Variants in AHCTF1 observed in about 807,000 individuals in gnomAD.
The protein encoded by AHCTF1 is AT-hook containing transcription factor 1.
Under a neutral mutation model 248.4 loss-of-function variants are expected in AHCTF1, and 24 were observed. That is an observed-to-expected ratio of 0.10 (90% CI 0.07 to 0.14). The LOEUF (loss-of-function observed/expected upper bound fraction) is 0.14. AHCTF1 is among the 10% of genes least tolerant of loss of function. The pLI is 1.00. For synonymous variants in AHCTF1, 786 were observed against 929.8 expected, an observed-to-expected ratio of 0.85 and a Z score of 2.81; for missense variants, 2,206 against 2,636.2, an observed-to-expected ratio of 0.84 and a Z score of 3.57.
In AHCTF1 at chr1:246,877,148, A is replaced by G; in HGVS notation, c.2805+10T>C. 1 of 1,612,660 alleles carries G rather than the reference A, an allele frequency of 6.2e-7. No individual in the cohort carries two copies. The highest frequency in any genetic ancestry group is 8.5e-7 in the Non-Finnish European group (1 of 1,179,756). ...GAATTTCTGACAAGTTTACATCGGT[A>G]AGTAATTACCTGCTCAGTGTCTGTA... On this transcript the variant is annotated intron_variant, in intron 22 of 35. Coordinates refer to ENST00000648844, the MANE Select transcript of AHCTF1 (RefSeq NM_001323342.2).
rs777334366 is a variant in AHCTF1 at position 246,900,422 on chromosome 1, T to C, written c.1165A>G (p.Ile389Val). ...SVSVFTWQVNIYGQGKPSVYL... is the reference protein window; with the variant it reads ...SVSVFTWQVNVYGQGKPSVYL... ...ACAGAAGGCTTTCCCTGTCCATATA[T>C]ATTCACCTGCCAGGTAAAGACTGAA... Residue 389 changes from isoleucine to valine, a missense_variant, in exon 9 of 36, where the codon ATA (isoleucine) becomes GTA (valine). By Grantham distance (29) the Ile-to-Val change is conservative. Transcript: ENST00000648844. 6.3e-7 allele frequency: 1 copy of C among 1,598,546 alleles called. No homozygotes were observed. Among genetic ancestry groups the C allele is most frequent in the South Asian group, 1.2e-5 (1 of 86,760 alleles).
chr1:246,870,458 T>C (rs116706274), intron 24 of AHCTF1, among the ~76,000 whole-genome samples: 2 of 152,058 alleles, frequency 1.3e-5, no homozygotes, highest in Non-Finnish European at 2.9e-5. Flanking sequence ...ATGTGATGAA[T>C]TGCTGTAATC....
intron 14 of AHCTF1, 112 bp from the exon 15 acceptor site, chr1:246,892,031 T>TTGGGAGGCCGAGGCGGGTGGATC: frequency 8.4e-7 from 1 of 1,190,450 alleles, no homozygotes; most frequent in Non-Finnish European, 1.2e-6. Context: ...TTCTATTCAT[T>TTGGGAGGCCGAGGCGGGTGGATC]ATGAGATTTA....
intron 33 of AHCTF1, among the ~76,000 whole-genome samples, chr1:246,845,924 T>TA: frequency 6.6e-6 from 1 of 151,866 alleles, no homozygotes; most frequent in South Asian, 2.1e-4. Context: ...AATTGGCTCT[T>TA]ACCAGCCAGT....
At position 246,890,962 on chromosome 1, in the gene AHCTF1, C is replaced by T. The variant is rs1664173501; in HGVS notation, c.2044G>A (p.Gly682Ser). The change falls in exon 16 of 36, where the codon GGC (glycine) becomes AGC (serine). Residue 682 changes from glycine to serine, a missense_variant. Coordinates refer to ENST00000648844, the MANE Select transcript of AHCTF1 (RefSeq NM_001323342.2). ...WFSHSGLLPE[G>S]IDDSVQLSRL... ...GATTAAGTAAATATTTTACCTATGC[C>T]TTCTGGTAAAAGCCCAGAATGAGAG... 1.3e-6 allele frequency: 2 copies of T among 1,518,204 alleles called. No homozygotes were observed. Among genetic ancestry groups the T allele is most frequent in the Non-Finnish European group, 1.8e-6 (2 of 1,138,550 alleles). The allele number at this position is 1,518,204 out of a possible 1,614,324, so 94.0% of individuals were successfully genotyped here. A position where few individuals can be genotyped will look rare whatever the true frequency, so the allele number is the denominator to read the frequency against.
chr1:246,847,298 A>AC (rs1298558186), intron 33 of AHCTF1, among the ~76,000 whole-genome samples: 17 of 130,956 alleles, frequency 1.3e-4, no homozygotes, highest in African/African-American at 5.8e-4. Context: ...TCAAAAAAAA[A>AC]AAACAAACAA....
chr1:246,911,297 ACTT>A (rs1171222164), intron 4 of AHCTF1, among the ~76,000 whole-genome samples: 1 of 152,148 alleles, frequency 6.6e-6, no homozygotes, highest in African/African-American at 2.4e-5. Context: ...TATCAAGCCT[ACTT>A]CTTTGATTAA....
intron 18 of AHCTF1, 31 bp from the exon 19 acceptor site, chr1:246,888,264 G>A: frequency 6.2e-7 from 1 of 1,613,224 alleles, no homozygotes; most frequent in Non-Finnish European, 8.5e-7. Flanking sequence ...ACCTTCAGTG[G>A]ATCTTATACA....
At chr1:246,848,753 G>A (rs993717609) in intron 33 of AHCTF1, among the ~76,000 whole-genome samples, 4 of 151,888 alleles carry the variant, frequency 2.6e-5, no homozygotes, top group Non-Finnish European at 5.9e-5. Context: ...GGGAGGCTGA[G>A]GTAGGAGAAT....
chr1:246,855,324 A>T (rs1288605826), intron 31 of AHCTF1, among the ~76,000 whole-genome samples: 1 of 150,814 alleles, frequency 6.6e-6, no homozygotes, highest in Non-Finnish European at 1.5e-5. Context: ...TCATTGGATT[A>T]AAAAAAAAAT....
At position 246,876,171 on chromosome 1, in the gene AHCTF1, C is replaced by T. The variant is rs141990857; in HGVS notation, c.2954G>A (p.Arg985His). The T allele has an allele frequency of 1.1e-4, 171 of 1,595,996 alleles. No individual in the cohort carries two copies. Among genetic ancestry groups the T allele is most frequent in the Non-Finnish European group, 1.4e-4 (160 of 1,169,934 alleles). ...TCGAGCCAGTGATCTCTCCCGCAAA[C>T]GAGGATCACGATCATTCTATTAAAC... is the stretch of plus-strand genomic sequence containing the variant. ...KINVMNDRDP[R>H]LRERSLARNS... The change falls in exon 24 of 36, where the codon CGT (arginine) becomes CAT (histidine). Residue 985 changes from arginine to histidine, a missense_variant. Physicochemically the swap from Arg to His is conservative, Grantham distance 29 (BLOSUM62 0). Transcript: ENST00000648844.
At position 246,851,034 on chromosome 1, in the gene AHCTF1, G is replaced by C. The variant is rs1409535420; in HGVS notation, c.4972C>G (p.Pro1658Ala). 6.2e-7 allele frequency: 1 copy of C among 1,613,802 alleles called. No individual in the cohort carries two copies. The highest frequency in any genetic ancestry group is 8.5e-7 in the Non-Finnish European group (1 of 1,179,878). ...ACTTTAATAGGTTCAGGCACATATG[G>C]TAAAGTGTCTACTTTTTGGGACTTT... is the stretch of plus-strand genomic sequence containing the variant. ...DQKSQKVDTLPYVPEPIKVAI... is the reference protein window; with the variant it reads ...DQKSQKVDTLAYVPEPIKVAI... Residue 1658 changes from proline (P) to alanine (A), a missense_variant, in exon 33 of 36, where the codon CCA becomes GCA. Around this residue, in one of 6 missense-constraint regions of AHCTF1, gnomAD observed 955 missense variants for 1,055.6 expected, o/e 0.90. Transcript: ENST00000648844.
chr1:246,857,290 T>G (rs547165407), intron 30 of AHCTF1, among the ~76,000 whole-genome samples: 1 of 152,054 alleles, frequency 6.6e-6, no homozygotes, highest in South Asian at 2.1e-4. Flanking sequence ...CTTAGAGTCA[T>G]GTATTGAACA....
intron 20 of AHCTF1, among the ~76,000 whole-genome samples, 155 bp from the exon 21 acceptor site, chr1:246,885,835 C>T (rs1371704687): frequency 2.6e-5 from 4 of 152,142 alleles, no homozygotes; most frequent in Non-Finnish European, 5.9e-5. Flanking sequence ...ATAGAGTTGG[C>T]TCTCAGTATC....
rs1487256965 is a variant in AHCTF1 at position 246,867,353 on chromosome 1, T to C, written c.3240-2A>G. Reference sequence around the variant, plus strand: ...GGAGATGGTTCTTCTATTTTAGAACTATGAAAATAAAAATTTAACTTCTGA... The same window carrying C: ...GGAGATGGTTCTTCTATTTTAGAACCATGAAAATAAAAATTTAACTTCTGA... On this transcript the variant is annotated splice_acceptor_variant, in intron 25 of 35. Coordinates refer to ENST00000648844, the MANE Select transcript of AHCTF1 (RefSeq NM_001323342.2). LOFTEE classifies it high-confidence loss of function. 13 of 1,562,502 alleles carry C rather than the reference T, an allele frequency of 8.3e-6. No homozygotes were observed. Among genetic ancestry groups the C allele is most frequent in the Non-Finnish European group, 1.1e-5 (13 of 1,152,128 alleles).
chr1:246,891,267 C>A (rs1253640798), intron 15 of AHCTF1, among the ~76,000 whole-genome samples: 1 of 152,072 alleles, frequency 6.6e-6, no homozygotes, highest in East Asian at 1.9e-4. Flanking sequence ...AGCAAACCTC[C>A]AAAATGCTAA....
chr1:246,853,485 G>A (rs9783081), intron 31 of AHCTF1, among the ~76,000 whole-genome samples, 186 bp from the exon 32 acceptor site: 99,286 of 152,122 alleles, frequency 0.65, 34,626 homozygotes, highest in African/African-American at 0.91. Context: ...ACAGAAAAAG[G>A]TAAATTTCAC....
intron 29 of AHCTF1, 150 bp from the exon 30 acceptor site, chr1:246,857,964 CTT>C (rs1553287608): frequency 0.015 from 7,173 of 493,332 alleles, 517 homozygotes; most frequent in African/African-American, 0.14. Context: ...ACACTTTCTT[CTT>C]TTTTTTTTTT....
intron 24 of AHCTF1, 131 bp downstream of exon 24, chr1:246,875,906 C>T (rs1662923226): frequency 1.2e-6 from 1 of 868,744 alleles, no homozygotes; most frequent in Non-Finnish European, 1.7e-6. Context: ...TGGAACCAAA[C>T]CAGCAATATC....
Sources: gnomAD v4.1 joint callset for allele counts (sites outside exome capture counted in the v4.1 genomes callset) on GRCh38, gnomAD v4.1.1 for gene constraint, gnomAD v4.1.1 regional missense constraint, MANE v1.5 for transcripts, NCBI Gene and HGNC (gene_info 2026-07-23, HGNC 2026-07-21) for gene names.